Variants in FOXO3 observed in about 807,000 individuals in gnomAD.
FOXO3 encodes forkhead box O3.
Under a neutral mutation model 41.9 loss-of-function variants are expected in FOXO3, and 4 were observed. The ratio of observed to expected loss-of-function variants is 0.10; its 90% CI spans 0.05 to 0.22. The LOEUF is 0.22. Ranked by LOEUF, FOXO3 falls within the 10% of genes least tolerant of loss-of-function variation. FOXO3 has a pLI of 1.00. For missense variants in FOXO3, 534 were observed against 906.8 expected (o/e 0.59, Z 5.28); for synonymous variants, 318 against 389.3 (o/e 0.82, Z 2.16).
At chr6:108,569,680 G>A (rs1249424489) in intron 1 of FOXO3, among the ~76,000 whole-genome samples, 2 of 152,140 alleles carry the variant, frequency 1.3e-5, no homozygotes, top group Non-Finnish European at 2.9e-5. Flanking sequence ...AGGAGGCCAG[G>A]TTATCTTCTG....
At chr6:108,585,022 CTTTTTTTTTTTTTTTT>C (rs1159028928) in intron 1 of FOXO3, among the ~76,000 whole-genome samples, 2 of 51,520 alleles carry the variant, frequency 3.9e-5, no homozygotes, top group Admixed American at 3.6e-4. Flanking sequence ...TCTCCAAAAT[CTTTTTTTTTTTTTTTT>C]TTTTTTTTTT....
At chr6:108,603,869 T>A (rs567418094) in intron 1 of FOXO3, among the ~76,000 whole-genome samples, 6 of 152,298 alleles carry the variant, frequency 3.9e-5, no homozygotes, top group African/African-American at 1.4e-4. Flanking sequence ...AATAAAAATT[T>A]CCCAGCATGG....
intron 1 of FOXO3, among the ~76,000 whole-genome samples, chr6:108,656,768 A>G (rs1778700578): frequency 6.6e-6 from 1 of 152,226 alleles, no homozygotes; most frequent in African/African-American, 2.4e-5. Flanking sequence ...TCTCACACCT[A>G]ATCTGATCTG....
chr6:108,632,819 G>A (rs913242064), intron 1 of FOXO3, among the ~76,000 whole-genome samples: 1 of 152,120 alleles, frequency 6.6e-6, no homozygotes, highest in African/African-American at 2.4e-5. Context: ...TTTTGGAGGG[G>A]TATATGGAGA....
chr6:108,625,062 G>C (rs568441017), intron 1 of FOXO3, among the ~76,000 whole-genome samples: 111 of 152,262 alleles, frequency 7.3e-4, no homozygotes, highest in African/African-American at 2.6e-3. Flanking sequence ...AATTATAGGT[G>C]CAAGCCACTG....
In FOXO3 at chr6:108,608,332, T is replaced by C. The variant is rs1777266437; in HGVS notation, c.621+46503T>C. 2.6e-5 allele frequency among the ~76,000 whole-genome samples: 4 copies of C among 152,200 alleles called. No homozygotes were observed. The South Asian group carries it at 8.3e-4, about 31-fold the overall frequency. On this transcript the variant is annotated intron_variant, in intron 1 of 2. Transcript: ENST00000406360. ...TATTTAAAGATGATTGAGAATTGGC[T>C]ATCACTGGCCTATTTTCTGGTCTTA...
intron 1 of FOXO3, among the ~76,000 whole-genome samples, chr6:108,573,068 C>T (rs368624798): frequency 1.1e-4 from 16 of 152,114 alleles, no homozygotes; most frequent in African/African-American, 3.4e-4. Context: ...GGGCGGATCA[C>T]GAGGTCAGGA....
At chr6:108,589,571 G>A (rs2128362524) in intron 1 of FOXO3, among the ~76,000 whole-genome samples, 1 of 152,294 alleles carries the variant, frequency 6.6e-6, no homozygotes, top group African/African-American at 2.4e-5. Flanking sequence ...GCCTTTTCCG[G>A]GTTTCCAGTG....
chr6:108,637,581 A>G (rs2128378149), intron 1 of FOXO3, among the ~76,000 whole-genome samples: 1 of 152,344 alleles, frequency 6.6e-6, no homozygotes, highest in African/African-American at 2.4e-5. Context: ...TAATGATAGA[A>G]TAATGAGTTC....
intron 1 of FOXO3, among the ~76,000 whole-genome samples, chr6:108,625,325 A>AG (rs1250624152): frequency 6.6e-6 from 1 of 152,202 alleles, no homozygotes; most frequent in Non-Finnish European, 1.5e-5. Context: ...TAACCTTAAA[A>AG]GAGTGATTGA....
chr6:108,565,681 G>A (rs952102051), intron 1 of FOXO3, among the ~76,000 whole-genome samples: 1 of 152,160 alleles, frequency 6.6e-6, no homozygotes, highest in East Asian at 1.9e-4. Flanking sequence ...TCAAGAGTCC[G>A]AGTCTTCTTT....
chr6:108,585,191 G>A (rs1174254815), intron 1 of FOXO3, among the ~76,000 whole-genome samples: 380 of 149,106 alleles, frequency 2.5e-3, no homozygotes, highest in African/African-American at 4.1e-3. Context: ...ACAGGCGCCC[G>A]CCACCGCGCC....
chr6:108,573,541 G>T (rs552744929), intron 1 of FOXO3, among the ~76,000 whole-genome samples: 2 of 152,108 alleles, frequency 1.3e-5, no homozygotes, highest in Non-Finnish European at 2.9e-5. Flanking sequence ...TAACTTTTAA[G>T]AATTAGCTGG....
chr6:108,574,171 A>G (rs1197559797), intron 1 of FOXO3, among the ~76,000 whole-genome samples: 1 of 150,942 alleles, frequency 6.6e-6, no homozygotes, highest in Non-Finnish European at 1.5e-5. Flanking sequence ...AAAAAAAAAA[A>G]AGAAGAATTA....
At chr6:108,662,873 C>G (rs1778909207) in intron 1 of FOXO3, among the ~76,000 whole-genome samples, 1 of 152,130 alleles carries the variant, frequency 6.6e-6, no homozygotes, top group Non-Finnish European at 1.5e-5. Context: ...AATATAATTA[C>G]AGAAAGGCCA....
At chr6:108,624,240 G>A (rs992597804) in intron 1 of FOXO3, among the ~76,000 whole-genome samples, 1 of 151,900 alleles carries the variant, frequency 6.6e-6, no homozygotes, top group Non-Finnish European at 1.5e-5. Context: ...TTTGAAGCCT[G>A]TGGTTGCTGG....
chr6:108,625,180 A>G lies in FOXO3; in HGVS notation c.622-38275A>G, dbSNP rs149286144. The stretch of plus-strand genomic sequence containing the variant: ...ATCTGACGTTTGTTATAATTTAAAC[A>G]GGAGTGTTGATAAAACTGTGTAAAA... On this transcript the variant is annotated intron_variant, in intron 1 of 2. Transcript: ENST00000406360. Among the ~76,000 whole-genome samples the G allele has an allele frequency of 2.0e-4, 31 of 152,362 alleles. No homozygotes were observed. The East Asian group carries it at 5.8e-3, about 28-fold the overall frequency.
intron 1 of FOXO3, among the ~76,000 whole-genome samples, chr6:108,660,523 T>C (rs1778812891): frequency 1.3e-5 from 2 of 152,226 alleles, no homozygotes; most frequent in Non-Finnish European, 2.9e-5. Context: ...TGAAGCATAG[T>C]ATTTTGGATT....
At chr6:108,580,828 A>G (rs1011864895) in intron 1 of FOXO3, among the ~76,000 whole-genome samples, 2 of 152,266 alleles carry the variant, frequency 1.3e-5, no homozygotes, top group African/African-American at 4.8e-5. Flanking sequence ...GTTGTAGACA[A>G]GCATTCACAT....
Sources: gnomAD v4.1 joint callset for allele counts (sites outside exome capture counted in the v4.1 genomes callset) on GRCh38, gnomAD v4.1.1 for gene constraint, MANE v1.5 for transcripts, NCBI Gene and HGNC (gene_info 2026-07-23, HGNC 2026-07-21) for gene names.